Variants in ZFHX3 observed in about 807,000 individuals in gnomAD.
ZFHX3 encodes zinc finger homeobox protein 3.
A neutral mutation model predicts 279.1 loss-of-function variants in ZFHX3; 42 were observed. That is an observed-to-expected ratio of 0.15 (90% CI 0.12 to 0.19). The LOEUF is 0.19. Ranked by LOEUF, ZFHX3 falls within the 10% of genes least tolerant of loss-of-function variation. The probability of loss-of-function intolerance (pLI) is 1.00; values close to 1 mark genes in which losing one functional copy is unlikely to be tolerated. For synonymous variants in ZFHX3, 2,293 were observed against 1,957.8 expected (o/e 1.17, Z -4.52); for missense variants, 4,981 against 4,754.0 (o/e 1.05, Z -1.40).
intron 2 of ZFHX3, among the ~76,000 whole-genome samples, chr16:73,539,713 C>G (rs143521293): frequency 0.014 from 2,117 of 152,234 alleles, 25 homozygotes; most frequent in Non-Finnish European, 0.019. Flanking sequence ...GCTCTTCCAC[C>G]GCCTGCCCGT....
At chr16:73,491,940 A>G (rs1033111254) in intron 2 of ZFHX3, among the ~76,000 whole-genome samples, 12 of 152,202 alleles carry the variant, frequency 7.9e-5, no homozygotes, top group Non-Finnish European at 1.3e-4. Context: ...ATGATCCAGG[A>G]AATGCTATCT....
chr16:72,861,574 C>T (rs145161333), intron 4 of ZFHX3, among the ~76,000 whole-genome samples: 1 of 152,152 alleles, frequency 6.6e-6, no homozygotes, highest in Non-Finnish European at 1.5e-5. Flanking sequence ...AAGCCCCAAA[C>T]GCCTCCTGGA....
chr16:73,561,721 A>C (rs1178865312), intron 2 of ZFHX3, among the ~76,000 whole-genome samples: 1 of 152,218 alleles, frequency 6.6e-6, no homozygotes, highest in Non-Finnish European at 1.5e-5. Context: ...GATTACAACA[A>C]AAATCCAGCT....
intron 1 of ZFHX3, among the ~76,000 whole-genome samples, chr16:72,961,510 G>A (rs1277756335): frequency 6.6e-6 from 1 of 152,110 alleles, no homozygotes; most frequent in Non-Finnish European, 1.5e-5. Flanking sequence ...TTCCCCTGCT[G>A]CTCCTCCTGG....
chr16:73,550,175 C>T (rs1239426936), intron 2 of ZFHX3, among the ~76,000 whole-genome samples: 1 of 152,056 alleles, frequency 6.6e-6, no homozygotes, highest in African/African-American at 2.4e-5. Flanking sequence ...TGGGCCGTGT[C>T]AGGGCAAAGC....
intron 1 of ZFHX3, among the ~76,000 whole-genome samples, chr16:73,729,667 C>CA (rs2053552485): frequency 6.6e-6 from 1 of 152,184 alleles, no homozygotes. Flanking sequence ...GCATCCTTGC[C>CA]AACCTCTCCC....
At chr16:73,489,120 C>A (rs1448270345) in intron 2 of ZFHX3, among the ~76,000 whole-genome samples, 1 of 152,158 alleles carries the variant, frequency 6.6e-6, no homozygotes, top group African/African-American at 2.4e-5. Context: ...ATCTGAATAT[C>A]ATCAGTACCT....
At chr16:73,039,910 G>C (rs1436802631) in intron 1 of ZFHX3, among the ~76,000 whole-genome samples, 2 of 152,010 alleles carry the variant, frequency 1.3e-5, no homozygotes, top group Non-Finnish European at 2.9e-5. Flanking sequence ...CCAGAGCTCG[G>C]AACTGGTCAT....
intron 1 of ZFHX3, among the ~76,000 whole-genome samples, chr16:73,833,521 G>T (rs926540593): frequency 6.6e-6 from 1 of 151,756 alleles, no homozygotes; most frequent in Non-Finnish European, 1.5e-5. Context: ...ACCAAACACC[G>T]CATGTTCTCA....
intron 1 of ZFHX3, among the ~76,000 whole-genome samples, chr16:73,698,185 GAA>G (rs954795367): frequency 2.0e-5 from 3 of 150,624 alleles, no homozygotes; most frequent in African/African-American, 7.3e-5. Flanking sequence ...AACAATTTGA[GAA>G]AAAAAAATTA....
At chr16:73,249,007 T>C (rs1480425293) in intron 5 of ZFHX3, among the ~76,000 whole-genome samples, 4 of 152,238 alleles carry the variant, frequency 2.6e-5, no homozygotes, top group Non-Finnish European at 5.9e-5. Flanking sequence ...CAAACTTTTG[T>C]GCTCAGTGTT....
chr16:72,904,777 G>A (rs564557778), intron 3 of ZFHX3, among the ~76,000 whole-genome samples: 1 of 112,518 alleles, frequency 8.9e-6, no homozygotes, highest in Non-Finnish European at 1.8e-5. Flanking sequence ...CTTGCCTGTG[G>A]GGGGGGTCCC....
intron 5 of ZFHX3, among the ~76,000 whole-genome samples, chr16:73,168,241 T>TTCTTTCTTTCTTTCTTTCTTTCTG (rs1967433747): frequency 6.9e-6 from 1 of 145,532 alleles, no homozygotes. Context: ...CTTTCTTTCT[T>TTCTTTCTTTCTTTCTTTCTTTCTG]TCTTTCTTTC....
intron 7 of ZFHX3, among the ~76,000 whole-genome samples, chr16:73,095,068 T>C (rs1260922526): frequency 3.3e-5 from 5 of 152,004 alleles, no homozygotes; most frequent in Non-Finnish European, 7.4e-5. Flanking sequence ...GAAAACCAGC[T>C]TCTGAAATGC....
chr16:73,808,223 C>A (rs967316655), intron 1 of ZFHX3, among the ~76,000 whole-genome samples: 1 of 152,172 alleles, frequency 6.6e-6, no homozygotes, highest in African/African-American at 2.4e-5. Context: ...TGAGCACATG[C>A]TCATTTTCAA....
intron 5 of ZFHX3, among the ~76,000 whole-genome samples, chr16:72,813,797 G>A (rs1478552392): frequency 1.3e-5 from 2 of 152,272 alleles, no homozygotes; most frequent in East Asian, 3.9e-4. Flanking sequence ...ACTAGGTGCT[G>A]CAACATTCTA....
chr16:73,764,734 C>T (rs2053910036), intron 1 of ZFHX3, among the ~76,000 whole-genome samples: 1 of 152,110 alleles, frequency 6.6e-6, no homozygotes, highest in African/African-American at 2.4e-5. Context: ...AAAGCAAAAA[C>T]AGTAGACAGC....
chr16:72,830,408 G>A (rs2037034830), intron 4 of ZFHX3, among the ~76,000 whole-genome samples: 1 of 152,236 alleles, frequency 6.6e-6, no homozygotes, highest in South Asian at 2.1e-4. Flanking sequence ...GAATATCAGT[G>A]ATATGAGTTC....
chr16:72,804,032 C>CAACA (rs1310240157), intron 7 of ZFHX3, among the ~76,000 whole-genome samples: 1 of 152,312 alleles, frequency 6.6e-6, no homozygotes, highest in East Asian at 1.9e-4. Context: ...ATTTGGAAGC[C>CAACA]AACAGTGGCT....
Sources: allele counts gnomAD v4.1 joint callset (sites outside exome capture counted in the v4.1 genomes callset), GRCh38; gene constraint gnomAD v4.1.1; transcripts MANE v1.5; gene names NCBI Gene and HGNC (gene_info 2026-07-23, HGNC 2026-07-21).